The following HBP1 variants were observed in gnomAD, a reference collection of about 807,000 sequenced individuals.
HBP1 encodes the protein HMG-box transcription factor 1.
A neutral mutation model predicts 62.6 loss-of-function variants in HBP1; 20 were observed. That is an observed-to-expected ratio of 0.32 (90% CI 0.22 to 0.46). The LOEUF is 0.46. Ranked by LOEUF, HBP1 falls within the 20% of genes least tolerant of loss-of-function variation. HBP1 has a pLI of 1.00. For synonymous variants in HBP1, 232 were observed against 206.2 expected (o/e 1.12, Z -1.07); for missense variants, 480 against 611.8 (o/e 0.78, Z 2.27).
intron 1 of HBP1, 50 bp from the exon 2 acceptor site, chr7:107,179,829 C>A: frequency 1.6e-6 from 2 of 1,259,642 alleles, no homozygotes; most frequent in Non-Finnish European, 2.3e-6. Context: ...TTGTGTACTG[C>A]CCAAATTGCA....
At chr7:107,171,073 A>ATATATATATATATTTT in intron 1 of HBP1, among the ~76,000 whole-genome samples, 2 of 87,200 alleles carry the variant, frequency 2.3e-5, no homozygotes, top group African/African-American at 6.6e-5. Context: ...ATATATATAT[A>ATATATATATATATTTT]TTTTTTTTTT....
chr7:107,172,588 T>C (rs1372514421), intron 1 of HBP1, among the ~76,000 whole-genome samples: 1 of 152,218 alleles, frequency 6.6e-6, no homozygotes, highest in Non-Finnish European at 1.5e-5. Context: ...GCTTCTGCTA[T>C]TAATGGGTTT....
At chr7:107,197,033 T>C (rs1797940694) in intron 9 of HBP1, 1 of 152,226 alleles carries the variant, frequency 6.6e-6, no homozygotes. Flanking sequence ...ACTGGCAATT[T>C]GTAGCAAGCT....
chr7:107,201,347 C>T (rs975003649), intron 10 of HBP1, 67 bp from the exon 11 acceptor site: 8 of 907,892 alleles, frequency 8.8e-6, no homozygotes, highest in East Asian at 2.5e-5. Flanking sequence ...TACATCTTAG[C>T]TTTCATATAT....
chr7:107,197,974 TTTAA>T (rs1381265674), intron 9 of HBP1, among the ~76,000 whole-genome samples: 1 of 152,190 alleles, frequency 6.6e-6, no homozygotes, highest in Non-Finnish European at 1.5e-5. Context: ...ACTTCTGGTA[TTTAA>T]TTATTAAACA....
chr7:107,183,191 G>A (rs980199770), intron 3 of HBP1, among the ~76,000 whole-genome samples: 1 of 152,110 alleles, frequency 6.6e-6, no homozygotes, highest in African/African-American at 2.4e-5. Flanking sequence ...AGACCTAAGT[G>A]GAAAACACTT....
intron 1 of HBP1, among the ~76,000 whole-genome samples, chr7:107,175,384 C>T (rs934881240): frequency 2.0e-5 from 3 of 152,102 alleles, no homozygotes; most frequent in Non-Finnish European, 4.4e-5. Flanking sequence ...ATAAACAAGG[C>T]ATGAAGATTT....
Position 107,169,086 on chromosome 7 carries a change from G to A in HBP1, c.-115G>A, listed in dbSNP as rs1796415152. 1.6e-6 allele frequency: 2 copies of A among 1,285,912 alleles called. No individual in the cohort carries two copies. The highest frequency in any genetic ancestry group is 4.6e-5 in the Admixed American group (2 of 43,188). 79.7% of individuals were successfully genotyped at this position (1,285,912 alleles called of 1,614,324 possible). ...CTGCCGCGGGAGCAGTAACCCGCGCGGGGGAGGCCGACGTCGGTCGGAGAG... is the reference window on the plus strand; with the variant it reads ...CTGCCGCGGGAGCAGTAACCCGCGCAGGGGAGGCCGACGTCGGTCGGAGAG... On this transcript the variant is annotated 5_prime_UTR_variant, in exon 1 of 11. Coordinates refer to ENST00000222574, the MANE Select transcript of HBP1 (RefSeq NM_012257.4).
At chr7:107,178,411 C>T (rs932820442) in intron 1 of HBP1, among the ~76,000 whole-genome samples, 3 of 148,248 alleles carry the variant, frequency 2.0e-5, no homozygotes, top group Non-Finnish European at 4.6e-5. Flanking sequence ...CGATCGTTGT[C>T]CAAAGGGTGA....
At chr7:107,170,445 T>C (rs1796499349) in intron 1 of HBP1, among the ~76,000 whole-genome samples, 1 of 152,202 alleles carries the variant, frequency 6.6e-6, no homozygotes, top group Admixed American at 6.5e-5. Flanking sequence ...GCTATTTTCC[T>C]TTATCTTGCA....
intron 9 of HBP1, among the ~76,000 whole-genome samples, chr7:107,198,568 T>C (rs896540455): frequency 2.0e-5 from 3 of 152,310 alleles, no homozygotes; most frequent in Admixed American, 6.5e-5. Flanking sequence ...TGGTAATCAA[T>C]CATCTAACAT....
At chr7:107,185,183 G>T (rs3801965) in intron 3 of HBP1, among the ~76,000 whole-genome samples, 23,662 of 152,048 alleles carry the variant, frequency 0.16, 2,296 homozygotes, top group Non-Finnish European at 0.21. Flanking sequence ...TTTTTTTAAG[G>T]TGATCTTTGA....
intron 1 of HBP1, among the ~76,000 whole-genome samples, chr7:107,169,511 G>A (rs991369074): frequency 4.0e-5 from 6 of 150,552 alleles, no homozygotes; most frequent in Non-Finnish European, 8.9e-5. Context: ...CCAGGGCGGG[G>A]GAAGGGGCCG....
chr7:107,196,401 T>A, intron 9 of HBP1: 4 of 449,554 alleles, frequency 8.9e-6, no homozygotes, highest in South Asian at 7.6e-5. Flanking sequence ...CTCAAGTAGC[T>A]GAGACTACAG....
At position 107,200,181 on chromosome 7, in the gene HBP1, T is replaced by A. The variant is rs756249689; in HGVS notation, c.1407T>A (p.Gly469=). ...KDNRAISVIL[G]DRWKKMKNEE... is the part of the protein sequence containing the mutation. ...ACAGAGCCATAAGTGTGATCCTTGG[T>A]GACAGGTGGAAGAAAATGAAGAATG... The change falls in exon 10 of 11, where the codon GGT becomes GGA. Residue 469 remains glycine, a synonymous_variant. Transcript: ENST00000222574. The A allele has an allele frequency of 1.9e-6, 3 of 1,606,166 alleles. No homozygotes were observed. The African/African-American group carries it at 4.0e-5, about 22-fold the overall frequency.
At chr7:107,182,813 T>C (rs1005084145) in intron 3 of HBP1, among the ~76,000 whole-genome samples, 1 of 152,134 alleles carries the variant, frequency 6.6e-6, no homozygotes, top group African/African-American at 2.4e-5. Context: ...AAGAGAACCA[T>C]AGAGTAAAAA....
At chr7:107,171,150 A>G (rs929801371) in intron 1 of HBP1, among the ~76,000 whole-genome samples, 4 of 141,636 alleles carry the variant, frequency 2.8e-5, no homozygotes, top group African/African-American at 8.2e-5. Flanking sequence ...GCTCACTGCA[A>G]CCTCCACCTT....
chr7:107,201,964 C>T lies in HBP1; in HGVS notation c.*533C>T, dbSNP rs1473053746. 2 of 152,624 alleles carry T rather than the reference C, an allele frequency of 1.3e-5. No individual in the cohort carries two copies. The highest frequency in any genetic ancestry group is 1.3e-4 in the Admixed American group (2 of 15,270). The allele number at this position is 152,624 out of a possible 1,614,324, so 9.5% of individuals were successfully genotyped here. ...AGTCTGGTCAGTGCCAAGAGGCTAC[C>T]AGAACATGGGGCAGGTGGCTGGTGT... On this transcript the variant is annotated 3_prime_UTR_variant, in exon 11 of 11. Transcript: ENST00000222574.
chr7:107,179,778 AAAAC>A (rs1797024760), intron 1 of HBP1, 97 bp from the exon 2 acceptor site: 3 of 747,448 alleles, frequency 4.0e-6, no homozygotes, highest in Non-Finnish European at 6.4e-6. Flanking sequence ...TCTCAAAAAA[AAAAC>A]AAAACAACAT....
Sources: gnomAD v4.1 joint callset for allele counts (sites outside exome capture counted in the v4.1 genomes callset) on GRCh38, gnomAD v4.1.1 for gene constraint, MANE v1.5 for transcripts, NCBI Gene and HGNC (gene_info 2026-07-23, HGNC 2026-07-21) for gene names.